Variants in SCAPER observed in about 807,000 individuals in gnomAD.
SCAPER encodes the protein S-phase cyclin A associated protein in the ER.
Under a neutral mutation model 182.2 loss-of-function variants are expected in SCAPER, and 98 were observed. The ratio of observed to expected loss-of-function variants is 0.54; its 90% CI spans 0.46 to 0.64. The LOEUF (loss-of-function observed/expected upper bound fraction) is 0.64, where lower values mean the gene tolerates loss of function less well. Ranked by LOEUF, SCAPER falls within the 30% of genes least tolerant of loss-of-function variation. SCAPER has a pLI of 0.00. For missense variants in SCAPER, 1,432 were observed against 1,690.0 expected (o/e 0.85, Z 2.68); for synonymous variants, 605 against 564.6 (o/e 1.07, Z -1.01).
At chr15:76,609,922 G>T (rs1218228077) in intron 22 of SCAPER, among the ~76,000 whole-genome samples, 1 of 152,104 alleles carries the variant, frequency 6.6e-6, no homozygotes, top group South Asian at 2.1e-4. Context: ...ATGAGCATAA[G>T]AGTTGGGTTT....
rs112757158 is a variant in SCAPER at position 76,501,965 on chromosome 15, G to A, written c.2954+2894C>T. The stretch of plus-strand genomic sequence containing the variant: ...AAGTGGTTACAAAATTCCTCTTGCT[G>A]TTCTCTGAGTAAACAGCATAACACT... On this transcript the variant is annotated intron_variant, in intron 24 of 31. Coordinates refer to ENST00000563290, the MANE Select transcript of SCAPER (RefSeq NM_020843.4). 1.9e-3 allele frequency among the ~76,000 whole-genome samples: 295 copies of A among 152,328 alleles called. 3 individuals are homozygous for A. The highest frequency in any genetic ancestry group is 6.4e-3 in the African/African-American group (267 of 41,580).
chr15:76,480,932 C>T (rs1205594563), intron 24 of SCAPER, among the ~76,000 whole-genome samples: 2 of 152,036 alleles, frequency 1.3e-5, no homozygotes, highest in Non-Finnish European at 2.9e-5. Flanking sequence ...GGAGTTTCAC[C>T]GTGTTAGCCA....
intron 19 of SCAPER, among the ~76,000 whole-genome samples, chr15:76,702,105 G>A (rs542332707): frequency 9.3e-4 from 141 of 152,226 alleles, no homozygotes; most frequent in Middle Eastern, 6.8e-3. Flanking sequence ...GGAGGTTGCA[G>A]TGAGCTGAGA....
At chr15:76,698,337 C>T (rs1219334977) in intron 20 of SCAPER, among the ~76,000 whole-genome samples, 1 of 152,110 alleles carries the variant, frequency 6.6e-6, no homozygotes, top group Non-Finnish European at 1.5e-5. Flanking sequence ...ATAACCTTAA[C>T]TATATGTCAA....
chr15:76,472,412 G>A (rs1247640361), intron 24 of SCAPER: 4 of 632,700 alleles, frequency 6.3e-6, no homozygotes, highest in Non-Finnish European at 1.1e-5. Flanking sequence ...TGACTGTATA[G>A]TTTGAAATAC....
intron 1 of SCAPER, among the ~76,000 whole-genome samples, chr15:76,894,582 G>C (rs545276178): frequency 1.3e-4 from 19 of 151,804 alleles, no homozygotes; most frequent in Non-Finnish European, 2.6e-4. Context: ...ATAGAGAATA[G>C]AAAAACAGAA....
At chr15:76,411,048 T>C (rs747150176) in intron 26 of SCAPER, among the ~76,000 whole-genome samples, 30 of 152,166 alleles carry the variant, frequency 2.0e-4, no homozygotes, top group Non-Finnish European at 3.4e-4. Flanking sequence ...TAACCATCCA[T>C]AAAAACAAGA....
At chr15:76,549,644 T>C (rs1162390229) in intron 23 of SCAPER, among the ~76,000 whole-genome samples, 1 of 151,600 alleles carries the variant, frequency 6.6e-6, no homozygotes, top group Non-Finnish European at 1.5e-5. Context: ...ATACCTAATG[T>C]TAAATGACGA....
chr15:76,515,576 C>T (rs1290949246), intron 23 of SCAPER, among the ~76,000 whole-genome samples: 1 of 152,138 alleles, frequency 6.6e-6, no homozygotes, highest in Admixed American at 6.5e-5. Context: ...TCCAGCAGCT[C>T]CCAGGAGGCA....
At chr15:76,462,436 T>A (rs2049261646) in intron 25 of SCAPER, among the ~76,000 whole-genome samples, 1 of 152,220 alleles carries the variant, frequency 6.6e-6, no homozygotes, top group African/African-American at 2.4e-5. Flanking sequence ...AATACTTGCT[T>A]ATGGCTTAGT....
intron 23 of SCAPER, among the ~76,000 whole-genome samples, chr15:76,519,866 A>G (rs2042707165): frequency 6.6e-6 from 1 of 152,142 alleles, no homozygotes; most frequent in Non-Finnish European, 1.5e-5. Flanking sequence ...TACTCTAGAG[A>G]GCTCTTCCTT....
intron 26 of SCAPER, among the ~76,000 whole-genome samples, chr15:76,429,815 T>C (rs962278989): frequency 2.6e-5 from 4 of 152,202 alleles, no homozygotes; most frequent in Non-Finnish European, 5.9e-5. Context: ...TGCAGAAATT[T>C]GCATAAGTAA....
In SCAPER at chr15:76,619,713, A is replaced by G. The variant is rs186631001; in HGVS notation, c.2711+2051T>C. ...ATTAACTTGTCATTTAGCATTAGGT[A>G]TATCTCCTAATGCTATCCTGTTAGC... On this transcript the variant is annotated intron_variant, in intron 22 of 31. Transcript: ENST00000563290. Among the ~76,000 whole-genome samples the G allele has an allele frequency of 3.1e-3, 466 of 152,196 alleles. 5 individuals are homozygous for G. Among genetic ancestry groups the G allele is most frequent in the Non-Finnish European group, 1.7e-3 (113 of 68,006 alleles).
chr15:76,734,970 TA>T (rs1240078388), intron 15 of SCAPER, among the ~76,000 whole-genome samples: 2 of 151,934 alleles, frequency 1.3e-5, no homozygotes. Flanking sequence ...AAAGAAAAAG[TA>T]ATGGGACCTA....
intron 21 of SCAPER, among the ~76,000 whole-genome samples, chr15:76,655,928 C>A (rs1567717205): frequency 6.6e-6 from 1 of 152,106 alleles, no homozygotes; most frequent in East Asian, 1.9e-4. Context: ...AAAAGATTAT[C>A]ATGGCCCACA....
At chr15:76,489,977 C>G (rs752857740) in intron 24 of SCAPER, among the ~76,000 whole-genome samples, 1 of 152,104 alleles carries the variant, frequency 6.6e-6, no homozygotes, top group African/African-American at 2.4e-5. Flanking sequence ...GCAGGATTTC[C>G]TTCTCCTTTA....
intron 22 of SCAPER, among the ~76,000 whole-genome samples, chr15:76,602,913 CTT>C (rs1281566641): frequency 5.9e-5 from 3 of 50,956 alleles, no homozygotes; most frequent in Non-Finnish European, 9.8e-5. Context: ...TCTGGCATTT[CTT>C]TTTTTTTTTT....
intron 17 of SCAPER, 112 bp from the exon 18 acceptor site, chr15:76,706,096 T>G: frequency 1.5e-6 from 1 of 658,838 alleles, no homozygotes; most frequent in Non-Finnish European, 2.3e-6. Context: ...GGGCTACTTT[T>G]TTAAAATATT....
chr15:76,428,574 G>A (rs1399256867), intron 26 of SCAPER, among the ~76,000 whole-genome samples: 1 of 151,966 alleles, frequency 6.6e-6, no homozygotes, highest in African/African-American at 2.4e-5. Context: ...AATCTATAAC[G>A]AGAAGTTGAA....
Sources: allele counts gnomAD v4.1 joint callset (sites outside exome capture counted in the v4.1 genomes callset), GRCh38; gene constraint gnomAD v4.1.1; transcripts MANE v1.5; gene names NCBI Gene and HGNC (gene_info 2026-07-23, HGNC 2026-07-21).